Variants in HEXB observed in about 807,000 individuals in gnomAD.
HEXB encodes hexosaminidase subunit beta, also known as beta-hexosaminidase subunit beta.
HEXB carries 51 observed loss-of-function variants against 71.2 expected under a neutral mutation model. That is an observed-to-expected ratio of 0.72 (90% CI 0.57 to 0.90). The LOEUF (loss-of-function observed/expected upper bound fraction) is 0.90. Ranked by LOEUF, HEXB falls within the 40% of genes least tolerant of loss-of-function variation. HEXB has a pLI of 0.00. For synonymous variants in HEXB, 266 were observed against 249.3 expected, an observed-to-expected ratio of 1.07 and a Z score of -0.63; for missense variants, 617 against 677.0, an observed-to-expected ratio of 0.91 and a Z score of 0.98.
intron 1 of HEXB, among the ~76,000 whole-genome samples, chr5:74,655,056 G>A (rs1027006960): frequency 6.6e-6 from 1 of 152,156 alleles, no homozygotes; most frequent in African/African-American, 2.4e-5. Flanking sequence ...ATGGGAGCAG[G>A]TGAGCCCCCC....
chr5:74,707,235 T>C (rs1422493024), intron 6 of HEXB, among the ~76,000 whole-genome samples: 1 of 152,200 alleles, frequency 6.6e-6, no homozygotes, highest in East Asian at 1.9e-4. Context: ...GAGGGTCCTG[T>C]CTGTTAGAAG....
At chr5:74,667,711 C>T (rs1358516552) in intron 1 of HEXB, among the ~76,000 whole-genome samples, 2 of 152,130 alleles carry the variant, frequency 1.3e-5, no homozygotes, top group Non-Finnish European at 2.9e-5. Flanking sequence ...TCTTTGTAGT[C>T]AGCCACAGAT....
intron 5 of HEXB, among the ~76,000 whole-genome samples, chr5:74,704,509 C>A (rs1397096910): frequency 2.0e-5 from 3 of 152,068 alleles, no homozygotes; most frequent in Non-Finnish European, 4.4e-5. Context: ...CAATGAAATT[C>A]TTGGTTGGGA....
chr5:74,682,248 C>CTT, upstream of HEXB, among the ~76,000 whole-genome samples: 1 of 152,342 alleles, frequency 6.6e-6, no homozygotes, highest in East Asian at 1.9e-4. Flanking sequence ...GTCCCAGCTA[C>CTT]GCCGGAGGCT....
At chr5:74,705,474 A>C (rs1749364455) in intron 6 of HEXB, 154 bp downstream of exon 6, 6 of 635,978 alleles carry the variant, frequency 9.4e-6, no homozygotes, top group Non-Finnish European at 8.4e-6. Flanking sequence ...TTAGCATTTT[A>C]CATCCATAAA....
intron 1 of HEXB, among the ~76,000 whole-genome samples, chr5:74,678,000 C>T (rs7445920): frequency 0.2 from 30,866 of 152,036 alleles, 3,258 homozygotes; most frequent in East Asian, 0.28. Flanking sequence ...AAAATTATAA[C>T]GATTTAAATA....
chr5:74,671,282 G>T (rs534148064), intron 1 of HEXB, among the ~76,000 whole-genome samples: 2 of 152,038 alleles, frequency 1.3e-5, no homozygotes, highest in Non-Finnish European at 2.9e-5. Context: ...ACAACCCAAA[G>T]GTCCATCAAC....
intron 6 of HEXB, among the ~76,000 whole-genome samples, chr5:74,711,235 T>G (rs1484358636): frequency 3.4e-5 from 5 of 148,824 alleles, no homozygotes; most frequent in African/African-American, 1.0e-4. Flanking sequence ...TAGCCATATG[T>G]AGAAAGCTGA....
upstream of HEXB, among the ~76,000 whole-genome samples, chr5:74,684,255 G>A (rs367716947): frequency 1.0e-3 from 155 of 152,274 alleles, no homozygotes; most frequent in Middle Eastern, 6.8e-3. Context: ...TCTCCCTTTG[G>A]CATCTCCAGT....
intron 1 of HEXB, among the ~76,000 whole-genome samples, chr5:74,673,148 G>C (rs1748568837): frequency 6.6e-6 from 1 of 152,228 alleles, no homozygotes; most frequent in South Asian, 2.1e-4. Context: ...CTGTTTAATA[G>C]ATAAGGAAGA....
chr5:74,667,153 G>A (rs1420140630), intron 1 of HEXB, among the ~76,000 whole-genome samples: 2 of 152,044 alleles, frequency 1.3e-5, no homozygotes, highest in African/African-American at 2.4e-5. Flanking sequence ...AGTGGCTCAC[G>A]TCTGTAATCC....
intron 1 of HEXB, among the ~76,000 whole-genome samples, chr5:74,663,191 T>G (rs77841964): frequency 2.1e-4 from 27 of 131,696 alleles, no homozygotes; most frequent in East Asian, 8.0e-4. Flanking sequence ...TCCTTTTTTT[T>G]GGGGGGGTGG....
At chr5:74,706,141 T>A (rs2112157722) in intron 6 of HEXB, 1 of 152,414 alleles carries the variant, frequency 6.6e-6, no homozygotes, top group East Asian at 1.9e-4. Context: ...TTGTATCACT[T>A]AAACTCCTGC....
At position 74,721,199 on chromosome 5, in the gene HEXB, A is replaced by G. The variant is rs1749851915; in HGVS notation, c.*24A>G. ...AAAAAATGGAGGGGAAAAAGGCCAC[A>G]GCAATCTGTACTACAATCAACTTTA... On this transcript the variant is annotated 3_prime_UTR_variant, in exon 14 of 14. Transcript: ENST00000261416. 2.6e-6 allele frequency: 4 copies of G among 1,556,642 alleles called. No individual in the cohort carries two copies. The highest frequency in any genetic ancestry group is 1.4e-5 in the African/African-American group (1 of 73,920).
intron 1 of HEXB, among the ~76,000 whole-genome samples, chr5:74,654,774 A>C (rs1748185961): frequency 6.6e-6 from 1 of 152,176 alleles, no homozygotes; most frequent in Non-Finnish European, 1.5e-5. Context: ...TCTGGCTGCC[A>C]TGTGGGGAGT....
Position 74,697,103 on chromosome 5 carries a change from T to G in HEXB, c.666T>G (p.Thr222=). 7.5e-7 allele frequency: 1 copy of G among 1,331,432 alleles called. No homozygotes were observed. The highest frequency in any genetic ancestry group is 1.1e-6 in the Non-Finnish European group (1 of 922,816). 82.5% of individuals were successfully genotyped at this position (1,331,432 alleles called of 1,614,324 possible). ...HYLPVKIILK[T]LDAMAFNKFN... ...TGCCAGTTAAGATTATTCTTAAAAC[T>G]CTGGTAAGTAATTACTTCATTCTAA... The change falls in exon 5 of 14, where the codon ACT becomes ACG. Residue 222 remains threonine (T), a synonymous_variant. Coordinates refer to ENST00000261416, the MANE Select transcript of HEXB (RefSeq NM_000521.4).
chr5:74,711,387 T>C (rs1433847530), intron 6 of HEXB, among the ~76,000 whole-genome samples: 1 of 150,784 alleles, frequency 6.6e-6, no homozygotes, highest in Admixed American at 6.6e-5. Context: ...AAGGACTTCA[T>C]GTCTAAAACA....
At chr5:74,713,739 C>A in intron 7 of HEXB, 104 bp downstream of exon 7, 1 of 892,416 alleles carries the variant, frequency 1.1e-6, no homozygotes, top group Non-Finnish European at 1.8e-6. Flanking sequence ...TCTCGGCTCA[C>A]TGCAACCTCC....
At chr5:74,670,350 G>A (rs1397012765) in intron 1 of HEXB, among the ~76,000 whole-genome samples, 1 of 151,790 alleles carries the variant, frequency 6.6e-6, no homozygotes, top group Non-Finnish European at 1.5e-5. Flanking sequence ...TCAGGCGGGG[G>A]ACCACCCTCA....
Sources: allele counts gnomAD v4.1 joint callset (sites outside exome capture counted in the v4.1 genomes callset), GRCh38; gene constraint gnomAD v4.1.1; transcripts MANE v1.5; gene names NCBI Gene and HGNC (gene_info 2026-07-23, HGNC 2026-07-21).